The following SLC22A23 variants were observed in gnomAD, a reference collection of about 807,000 sequenced individuals.
The protein encoded by SLC22A23 is ion transporter protein.
A neutral mutation model predicts 61.0 loss-of-function variants in SLC22A23; 26 were observed. That is an observed-to-expected ratio of 0.43 (90% confidence interval 0.31 to 0.59). The LOEUF (loss-of-function observed/expected upper bound fraction) is 0.59, where lower values mean the gene tolerates loss of function less well. Ranked by LOEUF, SLC22A23 falls within the 20% of genes least tolerant of loss-of-function variation. The pLI is 0.11. For missense variants in SLC22A23, 796 were observed against 934.7 expected (o/e 0.85, Z 1.94); for synonymous variants, 430 against 413.9 (o/e 1.04, Z -0.47).
intron 1 of SLC22A23, among the ~76,000 whole-genome samples, chr6:3,424,967 G>A (rs1289168505): frequency 6.6e-6 from 1 of 152,186 alleles, no homozygotes; most frequent in African/African-American, 2.4e-5. Context: ...TCAGAATGAG[G>A]GAGGGGCAGA....
In SLC22A23 at chr6:3,325,557, C is replaced by G. The variant is rs537195105; in HGVS notation, c.914-1555G>C. Among the ~76,000 whole-genome samples the G allele has an allele frequency of 2.0e-4, 30 of 152,340 alleles. No homozygotes were observed. In the South Asian group the frequency reaches 6.2e-3, roughly 32 times the overall value. ...ATTAGGAAAACAAGATTAAATGGCT[C>G]ACTCTCAGCCATTTGCTGCAATGCT... On this transcript the variant is annotated intron_variant, in intron 3 of 9. Coordinates refer to ENST00000406686, the MANE Select transcript of SLC22A23 (RefSeq NM_015482.2).
rs757480302 is a variant in SLC22A23, at chr6:3,287,072, G to A, written c.1333C>T (p.His445Tyr). The A allele has an allele frequency of 1.9e-6, 3 of 1,614,096 alleles. No individual in the cohort carries two copies. The change falls in exon 7 of 10, where the codon CAC (histidine) becomes TAC (tyrosine). Residue 445 changes from histidine (H) to tyrosine (Y), a missense_variant. By Grantham distance (83) the His-to-Tyr change is moderately conservative. Transcript: ENST00000406686. ...ATCATGCTCCTGGCAAAGCAGTGGT[G>A]GATCCCGTACCCCGTCAGCCTGTGG... The part of the protein sequence containing the change: ...CVNSLTGYGI[H>Y]HCFARSMMGH...
chr6:3,375,475 G>A (rs1766506530), intron 3 of SLC22A23, among the ~76,000 whole-genome samples: 1 of 152,242 alleles, frequency 6.6e-6, no homozygotes, highest in Admixed American at 6.5e-5. Flanking sequence ...TGGTAGTGGT[G>A]CACTACAGTG....
intron 5 of SLC22A23, among the ~76,000 whole-genome samples, chr6:3,292,855 C>T (rs559841079): frequency 6.9e-5 from 9 of 130,124 alleles, no homozygotes; most frequent in Admixed American, 2.4e-4. Context: ...TGGGAGCACT[C>T]GGGGAGCACG....
intron 3 of SLC22A23, among the ~76,000 whole-genome samples, chr6:3,406,288 C>T (rs910444430): frequency 3.3e-5 from 5 of 152,154 alleles, no homozygotes; most frequent in African/African-American, 1.2e-4. Flanking sequence ...TCTCTCATGG[C>T]TCCATTTGAA....
At chr6:3,299,184 A>T (rs1761397455) in intron 4 of SLC22A23, among the ~76,000 whole-genome samples, 1 of 152,234 alleles carries the variant, frequency 6.6e-6, no homozygotes, top group Admixed American at 6.5e-5. Flanking sequence ...TATGAACAAC[A>T]TTCTACCAGC....
chr6:3,412,383 C>T (rs1322923776), intron 2 of SLC22A23, among the ~76,000 whole-genome samples: 1 of 152,180 alleles, frequency 6.6e-6, no homozygotes, highest in African/African-American at 2.4e-5. Flanking sequence ...TCAAACGAGC[C>T]TGGAGTTCCC....
At position 3,273,392 on chromosome 6, in the gene SLC22A23, A is replaced by C. The variant is rs755436654; in HGVS notation, c.1724T>G (p.Val575Gly). 7 of 1,611,334 alleles carry C rather than the reference A, an allele frequency of 4.3e-6. No individual in the cohort carries two copies. Among genetic ancestry groups the C allele is most frequent in the Non-Finnish European group, 5.9e-6 (7 of 1,179,768 alleles). Residue 575 changes from valine (V) to glycine (G), a missense_variant, in exon 10 of 10, where the codon GTG becomes GGG. Physicochemically the swap from Val to Gly is moderately radical, Grantham distance 109 (BLOSUM62 -3). Transcript: ENST00000406686. ...CATGCCGAAGCCCGCGCTGGCCAGC[A>C]CCAGCCCCAGCCCGCCACACCTGCA... ...TVIRCGGLGL[V>G]LASAGFGMLT... is the part of the protein sequence containing the mutation.
At chr6:3,289,326 C>T (rs2127329251) in intron 6 of SLC22A23, among the ~76,000 whole-genome samples, 1 of 152,384 alleles carries the variant, frequency 6.6e-6, no homozygotes, top group South Asian at 2.1e-4. Context: ...CTGCCTCCAC[C>T]CACGGCTGTC....
chr6:3,285,789 C>G (rs893740039), intron 7 of SLC22A23, among the ~76,000 whole-genome samples: 1 of 152,200 alleles, frequency 6.6e-6, no homozygotes, highest in Non-Finnish European at 1.5e-5. Context: ...CTAGGCTGCA[C>G]GACAAGGCCG....
chr6:3,364,886 G>A (rs181821754), intron 3 of SLC22A23, among the ~76,000 whole-genome samples: 3 of 152,302 alleles, frequency 2.0e-5, no homozygotes, highest in Admixed American at 6.5e-5. Context: ...TCACTCTGGC[G>A]GTGTGGTGGA....
intron 3 of SLC22A23, among the ~76,000 whole-genome samples, chr6:3,347,731 A>G (rs563054613): frequency 2.0e-4 from 31 of 152,062 alleles, no homozygotes; most frequent in Non-Finnish European, 3.7e-4. Context: ...CTTCATATTG[A>G]ATTTTTTAAA....
Position 3,414,790 on chromosome 6 carries a change from C to T in SLC22A23, c.758+962G>A, listed in dbSNP as rs542910688. Among the ~76,000 whole-genome samples the T allele has an allele frequency of 1.5e-3, 230 of 150,934 alleles. 1 individual carries two copies. Among genetic ancestry groups the T allele is most frequent in the Non-Finnish European group, 2.8e-3 (187 of 67,778 alleles). On this transcript the variant is annotated intron_variant, in intron 2 of 9. Coordinates refer to ENST00000406686, the MANE Select transcript of SLC22A23 (RefSeq NM_015482.2). This position sits in a 1 kb window ranked among gnomAD's most constrained non-coding sequence, Gnocchi z 5.1. ...GTAAGCTGGGGAGACAGTTACACTACGCCTCTCTCCTGAGCAATCTCGCTA... is the reference window on the plus strand; with the variant it reads ...GTAAGCTGGGGAGACAGTTACACTATGCCTCTCTCCTGAGCAATCTCGCTA...
chr6:3,403,454 G>T (rs951102948), intron 3 of SLC22A23, among the ~76,000 whole-genome samples: 2 of 152,212 alleles, frequency 1.3e-5, no homozygotes, highest in Non-Finnish European at 2.9e-5. Flanking sequence ...GCAGGGGCCA[G>T]CAAGGGCAAG....
At chr6:3,437,914 AT>A (rs1258682474) in intron 1 of SLC22A23, among the ~76,000 whole-genome samples, 1 of 151,676 alleles carries the variant, frequency 6.6e-6, no homozygotes, top group Non-Finnish European at 1.5e-5. Context: ...CACCCAGCTA[AT>A]TTTTTCGTGA....
chr6:3,380,205 AG>A (rs1766870046), intron 3 of SLC22A23, among the ~76,000 whole-genome samples: 1 of 152,354 alleles, frequency 6.6e-6, no homozygotes, highest in African/African-American at 2.4e-5. Context: ...CAAGGTGAGC[AG>A]GCTTTAGAAA....
At chr6:3,352,733 G>A (rs1764847715) in intron 3 of SLC22A23, among the ~76,000 whole-genome samples, 2 of 152,132 alleles carry the variant, frequency 1.3e-5, no homozygotes, top group African/African-American at 2.4e-5. Flanking sequence ...GAGGATAAAT[G>A]GTGTCGCTTA....
chr6:3,366,353 A>G (rs944467484), intron 3 of SLC22A23, among the ~76,000 whole-genome samples: 1 of 79,642 alleles, frequency 1.3e-5, no homozygotes. Flanking sequence ...AAAAAAAAAA[A>G]AAAAGAAAGA....
At chr6:3,440,980 TCAGGCAAGCCTGA>T (rs1581896321) in intron 1 of SLC22A23, among the ~76,000 whole-genome samples, 1 of 152,188 alleles carries the variant, frequency 6.6e-6, no homozygotes, top group African/African-American at 2.4e-5. Context: ...GGGTCCGGCA[TCAGGCAAGCCTGA>T]CAGCCTCTGT....
Sources: allele counts gnomAD v4.1 joint callset (sites outside exome capture counted in the v4.1 genomes callset), GRCh38; gene constraint gnomAD v4.1.1; non-coding constraint Gnocchi (gnomAD v3.1); transcripts MANE v1.5; gene names NCBI Gene and HGNC (gene_info 2026-07-23, HGNC 2026-07-21).